Variants in HCN3 observed in about 807,000 individuals in gnomAD.
The protein encoded by HCN3 is hyperpolarization activated cyclic nucleotide gated potassium channel 3.
A neutral mutation model predicts 56.8 loss-of-function variants in HCN3; 36 were observed. The ratio of observed to expected loss-of-function variants is 0.63; its 90% CI spans 0.49 to 0.84. HCN3 has a LOEUF of 0.84. Ranked by LOEUF, HCN3 falls within the 40% of genes least tolerant of loss-of-function variation. The probability of loss-of-function intolerance (pLI) is 0.00; values close to 1 mark genes in which losing one functional copy is unlikely to be tolerated. For missense variants in HCN3, 930 were observed against 1,079.3 expected (o/e 0.86, Z 1.94); for synonymous variants, 425 against 439.7 (o/e 0.97, Z 0.42).
Position 155,277,871 on chromosome 1 carries a change from AT to A in HCN3, c.278+5del, listed in dbSNP as rs763494537. On this transcript the variant is annotated splice_donor_region_variant and intron_variant, in intron 1 of 7. Coordinates refer to ENST00000368358, the MANE Select transcript of HCN3 (RefSeq NM_020897.3). ...ATCCACCCCTACAGCGACTTCCGGTATTGGGGGCTTGGCGGGGAGGGCAGGG... is the reference window on the plus strand; with the variant it reads ...ATCCACCCCTACAGCGACTTCCGGTATGGGGGCTTGGCGGGGAGGGCAGGG... The A allele has an allele frequency of 6.2e-7, 1 of 1,611,252 alleles. No homozygotes were observed. The highest frequency in any genetic ancestry group is 8.5e-7 in the Non-Finnish European group (1 of 1,179,388).
chr1:155,283,919 G>T, intron 2 of HCN3, 55 bp from the exon 3 acceptor site: 2 of 1,574,212 alleles, frequency 1.3e-6, no homozygotes, highest in Non-Finnish European at 1.7e-6. Flanking sequence ...GGGAATGGAG[G>T]AGGACAAGCA....
At chr1:155,281,712 A>G (rs1400856875) in intron 1 of HCN3, among the ~76,000 whole-genome samples, 1 of 151,646 alleles carries the variant, frequency 6.6e-6, no homozygotes, top group African/African-American at 2.4e-5. Context: ...TATGTTGCCC[A>G]GGCTGGTCTT....
Position 155,282,632 on chromosome 1 carries a change from G to A in HCN3, c.500G>A (p.Arg167His), listed in dbSNP as rs374622488. 3 of 1,614,118 alleles carry A rather than the reference G, an allele frequency of 1.9e-6. No homozygotes were observed. Among genetic ancestry groups the A allele is most frequent in the Admixed American group, 1.7e-5 (1 of 60,006 alleles). The change falls in exon 2 of 8, where the codon CGC (arginine) becomes CAC (histidine). Residue 167 changes from arginine to histidine, a missense_variant. Coordinates refer to ENST00000368358, the MANE Select transcript of HCN3 (RefSeq NM_020897.3). This position sits in a 1 kb window ranked among gnomAD's most constrained non-coding sequence, Gnocchi z 4.7. ...CTGGCACCGCGGGCCATCCGCACGC[G>A]CTACCTGCGCACCTGGTTCCTGGTT... Reference protein sequence around the residue: ...ILLAPRAIRTRYLRTWFLVDL... With the variant: ...ILLAPRAIRTHYLRTWFLVDL...
At position 155,287,892 on chromosome 1, in the gene HCN3, T is replaced by G; in HGVS notation, c.1754T>G (p.Val585Gly). ...CATGACAGAGACATGGCTCGGGGTG[T>G]TCGGGGTCGGGCCCCGAGCACAGGA... ...VQHDRDMARG[V>G]RGRAPSTGAQ... Residue 585 changes from valine to glycine, a missense_variant, in exon 8 of 8, where the codon GTT becomes GGT. By Grantham distance (109) the Val-to-Gly change is moderately radical. Transcript: ENST00000368358. 3 of 1,613,850 alleles carry G rather than the reference T, an allele frequency of 1.9e-6. No individual in the cohort carries two copies. Among genetic ancestry groups the G allele is most frequent in the Non-Finnish European group, 2.5e-6 (3 of 1,179,990 alleles).
In HCN3 at chr1:155,282,864, G is replaced by C; in HGVS notation, c.708+24G>C. 6.4e-7 allele frequency: 1 copy of C among 1,554,350 alleles called. No homozygotes were observed. On this transcript the variant is annotated intron_variant, in intron 2 of 7. Transcript: ENST00000368358. The surrounding 1 kb of genome is among the most constrained non-coding windows in gnomAD (Gnocchi z 4.7). ...AGGTGGGGTGGGGAGATGGCGGGCG[G>C]GGCAGTGGGTGGGGGATGTTGGGGG...
chr1:155,277,907 C>T lies in HCN3; in HGVS notation c.278+39C>T, dbSNP rs1348973811. ...GGCGGGGAGGGCAGGGTACATCAATCCCACCCTCGCGGGCAGCGACACCGG... is the reference window on the plus strand; with the variant it reads ...GGCGGGGAGGGCAGGGTACATCAATTCCACCCTCGCGGGCAGCGACACCGG... On this transcript the variant is annotated intron_variant, in intron 1 of 7. Transcript: ENST00000368358. 3.1e-6 allele frequency: 5 copies of T among 1,592,306 alleles called. No individual in the cohort carries two copies. In the South Asian group the frequency reaches 5.6e-5, roughly 18 times the overall value.
At position 155,282,297 on chromosome 1, in the gene HCN3, A is replaced by T; in HGVS notation, c.279-114A>T. ...ATACTCCCAACAGCTGTAAACAGTC[A>T]TTCTGTTATTGTGTATCTTTGCCCA... On this transcript the variant is annotated intron_variant, in intron 1 of 7. Coordinates refer to ENST00000368358, the MANE Select transcript of HCN3 (RefSeq NM_020897.3). This position sits in a 1 kb window ranked among gnomAD's most constrained non-coding sequence, Gnocchi z 4.7. 1 of 966,070 alleles carries T rather than the reference A, an allele frequency of 1.0e-6. No homozygotes were observed. The highest frequency in any genetic ancestry group is 1.6e-6 in the Non-Finnish European group (1 of 631,168). The allele number at this position is 966,070 out of a possible 1,614,324, so 59.8% of individuals were successfully genotyped here. A position where few individuals can be genotyped will look rare whatever the true frequency, so the allele number is the denominator to read the frequency against.
chr1:155,280,674 G>A (rs1440540323), intron 1 of HCN3, among the ~76,000 whole-genome samples: 1 of 146,338 alleles, frequency 6.8e-6, no homozygotes, highest in Non-Finnish European at 1.5e-5. Context: ...TCCTGACCTT[G>A]TGATCTGCCC....
At chr1:155,286,001 C>A in intron 6 of HCN3, 37 bp downstream of exon 6, 1 of 1,546,054 alleles carries the variant, frequency 6.5e-7, no homozygotes, top group Non-Finnish European at 8.7e-7. Context: ...GGGTCACGAG[C>A]AGACAGTGGA....
intron 1 of HCN3, 68 bp downstream of exon 1, chr1:155,277,936 C>T (rs1218641130): frequency 1.3e-6 from 2 of 1,524,700 alleles, no homozygotes; most frequent in Admixed American, 1.9e-5. Context: ...ACACCGGGAC[C>T]CGGCCCGCCC....
rs1557948026 is a variant in HCN3, at chr1:155,284,529, T to G, written c.871-10T>G. 1 of 1,608,822 alleles carries G rather than the reference T, an allele frequency of 6.2e-7. No individual in the cohort carries two copies. Among genetic ancestry groups the G allele is most frequent in the Admixed American group, 1.7e-5 (1 of 59,942 alleles). On this transcript the variant is annotated splice_polypyrimidine_tract_variant and intron_variant, in intron 3 of 7. Transcript: ENST00000368358. The surrounding 1 kb of genome is among the most constrained non-coding windows in gnomAD (Gnocchi z 4.3). Reference sequence around the variant, plus strand: ...CCATGCCCAGCTCTGCAATATACTCTGCCCCTCAGAACCACTCGTGGGGCC... The same window carrying G: ...CCATGCCCAGCTCTGCAATATACTCGGCCCCTCAGAACCACTCGTGGGGCC...
At chr1:155,287,682 AC>A in intron 7 of HCN3, 98 bp from the exon 8 acceptor site, 1 of 1,489,690 alleles carries the variant, frequency 6.7e-7, no homozygotes, top group African/African-American at 1.4e-5. Context: ...CCTACCCTCA[AC>A]CCCACCCCAT....
At position 155,288,495 on chromosome 1, in the gene HCN3, G is replaced by T; in HGVS notation, c.*32G>T. ...TGAGTACATCCAGCCTTAGTTCTTG[G>T]GGTGCAGTAGTATGTACCCAAGGGC... On this transcript the variant is annotated 3_prime_UTR_variant, in exon 8 of 8. Coordinates refer to ENST00000368358, the MANE Select transcript of HCN3 (RefSeq NM_020897.3). This position sits in a 1 kb window ranked among gnomAD's most constrained non-coding sequence, Gnocchi z 6.5. 1.3e-6 allele frequency: 2 copies of T among 1,548,718 alleles called. No individual in the cohort carries two copies. Among genetic ancestry groups the T allele is most frequent in the Non-Finnish European group, 8.7e-7 (1 of 1,149,532 alleles).
chr1:155,288,595 G>T lies in HCN3; in HGVS notation c.*132G>T. The stretch of plus-strand genomic sequence containing the variant: ...AATGTCGACCCTGTGCGGACATTCC[G>T]CATACTGCCATGAAGACGGTCTCTG... On this transcript the variant is annotated 3_prime_UTR_variant, in exon 8 of 8. Coordinates refer to ENST00000368358, the MANE Select transcript of HCN3 (RefSeq NM_020897.3). This position sits in a 1 kb window ranked among gnomAD's most constrained non-coding sequence, Gnocchi z 6.5. The T allele has an allele frequency of 1.7e-6, 2 of 1,151,280 alleles. No homozygotes were observed. Among genetic ancestry groups the T allele is most frequent in the Non-Finnish European group, 2.4e-6 (2 of 826,590 alleles). The allele number at this position is 1,151,280 out of a possible 1,614,324, so 71.3% of individuals were successfully genotyped here.
At chr1:155,287,033 G>A in intron 6 of HCN3, 140 bp from the exon 7 acceptor site, 2 of 901,040 alleles carry the variant, frequency 2.2e-6, no homozygotes, top group East Asian at 5.3e-5. Context: ...GGTTCCTGGG[G>A]CACGGAGGTA....
Position 155,277,693 on chromosome 1 carries a change from G to T in HCN3, c.103G>T (p.Gly35Cys). The T allele has an allele frequency of 6.4e-7, 1 of 1,567,722 alleles. No individual in the cohort carries two copies. The highest frequency in any genetic ancestry group is 8.6e-7 in the Non-Finnish European group (1 of 1,157,046). Residue 35 changes from glycine (G) to cysteine (C), a missense_variant, in exon 1 of 8, where the codon GGT (glycine) becomes TGT (cysteine). Gly to Cys is a radical substitution (Grantham distance 159, BLOSUM62 -3). Transcript: ENST00000368358. ...TCCCCCGCCTGCGACCGCGGCCTCA[G>T]GTCCGATCCCCAAATCTGGGCCTGA... ...VAPPPATAASGPIPKSGPEPK... is the reference protein window; with the variant it reads ...VAPPPATAASCPIPKSGPEPK...
In HCN3 at chr1:155,285,400, A is replaced by G. The variant is rs926202536; in HGVS notation, c.1236+89A>G. On this transcript the variant is annotated intron_variant, in intron 5 of 7. Coordinates refer to ENST00000368358, the MANE Select transcript of HCN3 (RefSeq NM_020897.3). The surrounding 1 kb of genome is among the most constrained non-coding windows in gnomAD (Gnocchi z 4.5). Reference sequence around the variant, plus strand: ...GGGCTATTGGTCAGCAGGTGCTCCTATAGGGAATGAGGCCTGCAGAGGGCC... The same window carrying G: ...GGGCTATTGGTCAGCAGGTGCTCCTGTAGGGAATGAGGCCTGCAGAGGGCC... The G allele has an allele frequency of 5.9e-6, 9 of 1,522,480 alleles. No individual in the cohort carries two copies. Among genetic ancestry groups the G allele is most frequent in the East Asian group, 4.6e-5 (2 of 43,106 alleles). The allele number at this position is 1,522,480 out of a possible 1,614,324, so 94.3% of individuals were successfully genotyped here. A position where few individuals can be genotyped will look rare whatever the true frequency, so the allele number is the denominator to read the frequency against.
In HCN3 at chr1:155,284,114, G is replaced by C; in HGVS notation, c.849G>C (p.Trp283Cys). 6.2e-7 allele frequency: 1 copy of C among 1,614,128 alleles called. No homozygotes were observed. Among genetic ancestry groups the C allele is most frequent in the Non-Finnish European group, 8.5e-7 (1 of 1,179,996 alleles). ...PMLQDFPPDC[W>C]VSINHMVNHS... is the part of the protein sequence containing the mutation. ...TGCAGGACTTCCCTCCCGACTGCTG[G>C]GTCTCCATCAACCACATGGTGGTGA... The change falls in exon 3 of 8, where the codon TGG becomes TGC. Residue 283 changes from tryptophan (W) to cysteine (C), a missense_variant. By Grantham distance (215) the Trp-to-Cys change is radical (BLOSUM62 -2). Transcript: ENST00000368358. The surrounding 1 kb of genome is among the most constrained non-coding windows in gnomAD (Gnocchi z 4.3).
At position 155,284,830 on chromosome 1, in the gene HCN3, T is replaced by G. The variant is rs1674211441; in HGVS notation, c.1089+73T>G. 4.6e-6 allele frequency: 6 copies of G among 1,302,706 alleles called. No individual in the cohort carries two copies. The highest frequency in any genetic ancestry group is 5.4e-6 in the Non-Finnish European group (5 of 934,562). 80.7% of individuals were successfully genotyped at this position (1,302,706 alleles called of 1,614,324 possible). A position where few individuals can be genotyped will look rare whatever the true frequency, so the allele number is the denominator to read the frequency against. On this transcript the variant is annotated intron_variant, in intron 4 of 7. Transcript: ENST00000368358. The surrounding 1 kb of genome is among the most constrained non-coding windows in gnomAD (Gnocchi z 4.3). ...ACTGGGTAGCCTGACTTGAGGCCCATTCTGATGTGTGCCCCTGTTGCGTCT... is the reference window on the plus strand; with the variant it reads ...ACTGGGTAGCCTGACTTGAGGCCCAGTCTGATGTGTGCCCCTGTTGCGTCT...
Sources: gnomAD v4.1 joint callset for allele counts (sites outside exome capture counted in the v4.1 genomes callset) on GRCh38, gnomAD v4.1.1 for gene constraint, Gnocchi (gnomAD v3.1) non-coding constraint, MANE v1.5 for transcripts, NCBI Gene and HGNC (gene_info 2026-07-23, HGNC 2026-07-21) for gene names.